HSD17B12: variants seen among roughly 807,000 people sequenced by gnomAD.
The protein encoded by HSD17B12 is very-long-chain 3-oxoacyl-CoA reductase.
In HSD17B12, 32 loss-of-function variants were observed where a neutral mutation model predicts 39.3. The ratio of observed to expected loss-of-function variants is 0.81; its 90% CI spans 0.61 to 1.09. The LOEUF (loss-of-function observed/expected upper bound fraction) is 1.09. Among genes scored for constraint, HSD17B12 ranks in the 50% least tolerant of loss-of-function variants. HSD17B12 has a pLI of 0.00. For synonymous variants in HSD17B12, 150 were observed against 146.7 expected, an observed-to-expected ratio of 1.02 and a Z score of -0.16; for missense variants, 342 against 382.9, an observed-to-expected ratio of 0.89 and a Z score of 0.89.
intron 2 of HSD17B12, among the ~76,000 whole-genome samples, chr11:43,751,807 T>C (rs949398376): frequency 5.3e-5 from 8 of 152,346 alleles, no homozygotes; most frequent in African/African-American, 1.9e-4. Flanking sequence ...AAGTTAGTTA[T>C]AGACATAACA....
At chr11:43,669,895 T>TA in the HSD17B12 span, among the ~76,000 whole-genome samples, 2 of 152,098 alleles carry the variant, frequency 1.3e-5, no homozygotes, top group African/African-American at 2.4e-5. Flanking sequence ...TTTAGGGAGA[T>TA]ACACTGCAGC....
intron 1 of HSD17B12, among the ~76,000 whole-genome samples, chr11:43,741,795 G>A (rs1490741096): frequency 2.1e-5 from 3 of 143,930 alleles, no homozygotes; most frequent in African/African-American, 5.2e-5. Flanking sequence ...ATGCAGTGGC[G>A]CGACCTCGGC....
intron 1 of HSD17B12, among the ~76,000 whole-genome samples, chr11:43,714,463 G>A (rs1950101158): frequency 6.6e-6 from 1 of 152,154 alleles, no homozygotes; most frequent in Non-Finnish European, 1.5e-5. Flanking sequence ...TGAGGGTTCT[G>A]TTCTGTTCCA....
intron 9 of HSD17B12, among the ~76,000 whole-genome samples, chr11:43,845,535 A>G (rs897143580): frequency 1.3e-5 from 2 of 152,270 alleles, no homozygotes; most frequent in Non-Finnish European, 2.9e-5. Context: ...ACATTTTTTA[A>G]GAGTACAGTA....
intron 1 of HSD17B12, chr11:43,719,259 G>A: frequency 1.9e-6 from 1 of 522,476 alleles, no homozygotes; most frequent in Non-Finnish European, 3.5e-6. Flanking sequence ...CATTGTAACA[G>A]GGCTTGGTCA....
chr11:43,610,211 C>A, the HSD17B12 span, among the ~76,000 whole-genome samples: 1 of 152,090 alleles, frequency 6.6e-6, no homozygotes, highest in Non-Finnish European at 1.5e-5. Flanking sequence ...ACCATAGAGA[C>A]CCAGCATAAA....
intron 3 of HSD17B12, among the ~76,000 whole-genome samples, chr11:43,789,701 C>G (rs1049479166): frequency 1.3e-5 from 2 of 152,272 alleles, no homozygotes; most frequent in Admixed American, 6.5e-5. Flanking sequence ...GTAATCCCAG[C>G]ACTTTGGGAG....
At chr11:43,785,137 G>C (rs1221683191) in intron 3 of HSD17B12, among the ~76,000 whole-genome samples, 1 of 151,950 alleles carries the variant, frequency 6.6e-6, no homozygotes, top group Non-Finnish European at 1.5e-5. Flanking sequence ...GTAACTTCTG[G>C]TTTATATGCT....
intron 3 of HSD17B12, among the ~76,000 whole-genome samples, chr11:43,774,255 C>A (rs765681980): frequency 6.6e-6 from 1 of 151,606 alleles, no homozygotes; most frequent in East Asian, 1.9e-4. Context: ...CGCTCTGTCA[C>A]CCAGCTGGAG....
intron 9 of HSD17B12, among the ~76,000 whole-genome samples, chr11:43,841,103 T>C (rs1050721087): frequency 1.3e-5 from 2 of 152,216 alleles, no homozygotes; most frequent in Non-Finnish European, 2.9e-5. Flanking sequence ...CATTGTGGTT[T>C]TGATTTGCTT....
At chr11:43,790,515 C>T (rs977708504) in intron 3 of HSD17B12, among the ~76,000 whole-genome samples, 4 of 152,174 alleles carry the variant, frequency 2.6e-5, no homozygotes, top group African/African-American at 9.7e-5. Flanking sequence ...GTGGATAGTG[C>T]TGAACCCTAT....
the HSD17B12 span, among the ~76,000 whole-genome samples, chr11:43,564,213 C>A: frequency 6.6e-6 from 1 of 152,272 alleles, no homozygotes; most frequent in Middle Eastern, 3.4e-3. Flanking sequence ...AACTATAGGA[C>A]TTACCCTGAC....
intron 1 of HSD17B12, among the ~76,000 whole-genome samples, chr11:43,728,069 G>GT (rs1950236953): frequency 1.3e-5 from 2 of 151,036 alleles, no homozygotes; most frequent in Non-Finnish European, 3.0e-5. Flanking sequence ...TTTGTTTTTT[G>GT]TTTTTTTGTT....
chr11:43,589,661 G>T, the HSD17B12 span, among the ~76,000 whole-genome samples: 1 of 152,090 alleles, frequency 6.6e-6, no homozygotes, highest in South Asian at 2.1e-4. Flanking sequence ...ATAATAAACG[G>T]TTCAGGGATA....
At chr11:43,734,282 G>C in intron 1 of HSD17B12, 2 of 1,256,422 alleles carry the variant, frequency 1.6e-6, no homozygotes, top group Admixed American at 3.4e-5. Context: ...TTTCAGGAAG[G>C]AGTTCACAGA....
chr11:43,675,948 C>A (rs1949690597), upstream of HSD17B12, among the ~76,000 whole-genome samples: 1 of 152,022 alleles, frequency 6.6e-6, no homozygotes, highest in Non-Finnish European at 1.5e-5. Context: ...CCTGTCTCTA[C>A]TAAAAATACA....
chr11:43,687,599 T>C (rs990391619), intron 1 of HSD17B12, among the ~76,000 whole-genome samples: 4 of 152,052 alleles, frequency 2.6e-5, no homozygotes, highest in Non-Finnish European at 5.9e-5. Flanking sequence ...GTTGCTAAAT[T>C]CCTAGGGCAG....
chr11:43,851,701 A>G (rs1465541662), intron 9 of HSD17B12, among the ~76,000 whole-genome samples: 1 of 152,174 alleles, frequency 6.6e-6, no homozygotes, highest in Non-Finnish European at 1.5e-5. Context: ...CATTCAATAG[A>G]TATTAATTGT....
chr11:43,793,180 T>C (rs955677243), intron 3 of HSD17B12, among the ~76,000 whole-genome samples: 33 of 152,124 alleles, frequency 2.2e-4, no homozygotes, highest in African/African-American at 8.0e-4. Context: ...ATAGGAATAG[T>C]GAAAAATATG....
Sources: gnomAD v4.1 joint callset for allele counts (sites outside exome capture counted in the v4.1 genomes callset) on GRCh38, gnomAD v4.1.1 for gene constraint, MANE v1.5 for transcripts, NCBI Gene and HGNC (gene_info 2026-07-23, HGNC 2026-07-21) for gene names.